The following ATP6V0A4 variants were observed in gnomAD, a reference collection of about 807,000 sequenced individuals.
ATP6V0A4 encodes V-type proton ATPase 116 kDa subunit a 4.
A neutral mutation model predicts 107.3 loss-of-function variants in ATP6V0A4; 86 were observed. The observed-to-expected ratio is 0.80, with a 90% CI of 0.67 to 0.96. The LOEUF (loss-of-function observed/expected upper bound fraction) is 0.96. Among genes scored for constraint, ATP6V0A4 ranks in the 40% least tolerant of loss-of-function variants. The pLI is 0.00. For missense variants in ATP6V0A4, 908 were observed against 1,045.6 expected (o/e 0.87, Z 1.81); for synonymous variants, 353 against 381.4 (o/e 0.93, Z 0.87).
At chr7:138,757,270 C>T (rs1223651477) in intron 8 of ATP6V0A4, among the ~76,000 whole-genome samples, 1 of 152,196 alleles carries the variant, frequency 6.6e-6, no homozygotes, top group East Asian at 1.9e-4. Context: ...AATCCCAGCA[C>T]TTTGGGAGGC....
At chr7:138,780,617 C>T (rs758359087) in intron 2 of ATP6V0A4, among the ~76,000 whole-genome samples, 32 of 152,302 alleles carry the variant, frequency 2.1e-4, no homozygotes, top group Non-Finnish European at 3.8e-4. Flanking sequence ...GCTGAGCCCA[C>T]GCACAACCTC....
At chr7:138,766,762 T>C (rs1394825364) in intron 5 of ATP6V0A4, among the ~76,000 whole-genome samples, 4 of 152,200 alleles carry the variant, frequency 2.6e-5, no homozygotes, top group Non-Finnish European at 5.9e-5. Flanking sequence ...CCCAGTTGGA[T>C]GAATTCCTTT....
chr7:138,798,107 G>T lies in ATP6V0A4; in HGVS notation c.-194C>A. On this transcript the variant is annotated 5_prime_UTR_variant, in exon 1 of 22. Coordinates refer to ENST00000310018, the MANE Select transcript of ATP6V0A4 (RefSeq NM_020632.3). ...GGGCACTCAGCACAGCCTCCAGCAT[G>T]CAGCGCCTCCCCGCTGCCACCCGGG... The T allele has an allele frequency of 6.3e-7, 1 of 1,597,116 alleles. No homozygotes were observed.
chr7:138,740,735 C>T (rs1052757964), intron 14 of ATP6V0A4, among the ~76,000 whole-genome samples: 3 of 151,798 alleles, frequency 2.0e-5, no homozygotes, highest in Admixed American at 6.6e-5. Context: ...CCACGATGCC[C>T]GGCCCAGAAA....
intron 21 of ATP6V0A4, among the ~76,000 whole-genome samples, chr7:138,707,165 AT>A (rs1803427610): frequency 2.6e-5 from 2 of 77,176 alleles, no homozygotes; most frequent in South Asian, 6.4e-4. Context: ...TATATAATAT[AT>A]TATATATATT....
intron 1 of ATP6V0A4, among the ~76,000 whole-genome samples, chr7:138,793,573 C>A (rs570959809): frequency 1.3e-5 from 2 of 152,200 alleles, no homozygotes; most frequent in African/African-American, 4.8e-5. Context: ...GAGCACTGAC[C>A]CCACAACTGC....
chr7:138,771,152 G>T lies in ATP6V0A4; in HGVS notation c.96C>A (p.Leu32=). The T allele has an allele frequency of 6.2e-7, 1 of 1,613,968 alleles. No individual in the cohort carries two copies. Among genetic ancestry groups the T allele is most frequent in the South Asian group, 1.1e-5 (1 of 91,070 alleles). Residue 32 remains leucine, a synonymous_variant, in exon 3 of 22, where the codon CTC becomes CTA. Coordinates refer to ENST00000310018, the MANE Select transcript of ATP6V0A4 (RefSeq NM_020632.3). ...CTACATCTTTGAACTGAACCAATCCGAGCTCTCCGAGCTCAGCCACACAGC... is the reference window on the plus strand; with the variant it reads ...CTACATCTTTGAACTGAACCAATCCTAGCTCTCCGAGCTCAGCCACACAGC... ...AYCCVAELGE[L]GLVQFKDLNM...
intron 10 of ATP6V0A4, among the ~76,000 whole-genome samples, chr7:138,755,393 C>T (rs111732992): frequency 4.6e-5 from 7 of 152,262 alleles, no homozygotes; most frequent in African/African-American, 1.4e-4. Flanking sequence ...CCGTCTAGGC[C>T]GAGGCTGGCA....
chr7:138,730,940 T>TTC (rs1804978975), intron 17 of ATP6V0A4, among the ~76,000 whole-genome samples: 2 of 132,422 alleles, frequency 1.5e-5, no homozygotes, highest in African/African-American at 7.1e-5. Context: ...TCTTTTTTTA[T>TTC]TTTTTTTTTT....
intron 18 of ATP6V0A4, among the ~76,000 whole-genome samples, chr7:138,725,981 G>GTT (rs1554391697): frequency 6.6e-6 from 1 of 150,724 alleles, no homozygotes; most frequent in East Asian, 2.0e-4. Context: ...TTGAAATGAA[G>GTT]TTTATTTATT....
chr7:138,735,786 T>G (rs988498187), intron 15 of ATP6V0A4, among the ~76,000 whole-genome samples: 1 of 49,990 alleles, frequency 2.0e-5, no homozygotes, highest in African/African-American at 8.4e-5. Context: ...CTAGTACACT[T>G]TAGACCCAGC....
At chr7:138,774,637 T>TAC (rs1179021359) in intron 2 of ATP6V0A4, among the ~76,000 whole-genome samples, 23 of 147,410 alleles carry the variant, frequency 1.6e-4, no homozygotes, top group Non-Finnish European at 3.0e-4. Flanking sequence ...ATACATTATA[T>TAC]ATATTATATA....
intron 9 of ATP6V0A4, chr7:138,756,009 T>G (rs1052051196): frequency 3.1e-5 from 23 of 733,866 alleles, no homozygotes; most frequent in Non-Finnish European, 4.8e-5. Flanking sequence ...TGAGCTTCAT[T>G]CAAACCATAA....
intron 10 of ATP6V0A4, 122 bp downstream of exon 10, chr7:138,755,567 G>A: frequency 7.6e-7 from 1 of 1,312,358 alleles, no homozygotes; most frequent in South Asian, 1.2e-5. Flanking sequence ...AACCAGAAAG[G>A]CATAGCCAGC....
At chr7:138,732,850 G>GT (rs1554393398) in intron 17 of ATP6V0A4, 27 bp downstream of exon 17, 27 of 1,346,800 alleles carry the variant, frequency 2.0e-5, no homozygotes, top group Non-Finnish European at 2.6e-5. Flanking sequence ...TAAAAGAAGA[G>GT]TAAAAAAAAA....
chr7:138,797,255 G>C (rs3823489), intron 1 of ATP6V0A4, among the ~76,000 whole-genome samples: 14,097 of 143,972 alleles, frequency 0.098, 881 homozygotes, highest in African/African-American at 0.18. Context: ...CCCTCTGTCG[G>C]CCAAGCTGGA....
chr7:138,735,778 A>G (rs2117246685), intron 15 of ATP6V0A4, among the ~76,000 whole-genome samples: 1 of 66,386 alleles, frequency 1.5e-5, no homozygotes, highest in South Asian at 5.1e-4. Flanking sequence ...CGGGTCTGCT[A>G]GTACACTTTA....
In ATP6V0A4 at chr7:138,789,922, T is replaced by C. The variant is rs113844723; in HGVS notation, c.-120-3662A>G. Among the ~76,000 whole-genome samples the C allele has an allele frequency of 3.1e-3, 456 of 148,824 alleles. 1 individual carries two copies. The highest frequency in any genetic ancestry group is 0.011 in the African/African-American group (444 of 40,432). ...AGGCAGATGTTGCAGTGAGCCTAGA[T>C]TGCACAACTGCACTCCAGCCTGGGT... On this transcript the variant is annotated intron_variant, in intron 1 of 21. Coordinates refer to ENST00000310018, the MANE Select transcript of ATP6V0A4 (RefSeq NM_020632.3).
At chr7:138,714,922 C>T (rs1267259788) in intron 20 of ATP6V0A4, among the ~76,000 whole-genome samples, 4 of 152,206 alleles carry the variant, frequency 2.6e-5, no homozygotes, top group African/African-American at 7.2e-5. Flanking sequence ...GGCATTATCC[C>T]GGATTATCTG....
Sources: gnomAD v4.1 joint callset for allele counts (sites outside exome capture counted in the v4.1 genomes callset) on GRCh38, gnomAD v4.1.1 for gene constraint, MANE v1.5 for transcripts, NCBI Gene and HGNC (gene_info 2026-07-23, HGNC 2026-07-21) for gene names.